The following ARHGEF12 variants were observed in gnomAD, a reference collection of about 807,000 sequenced individuals.
ARHGEF12 encodes Rho guanine nucleotide exchange factor 12, also known as KMT2A/ARHGEF12 fusion protein.
Under a neutral mutation model 211.2 loss-of-function variants are expected in ARHGEF12, and 66 were observed. That is an observed-to-expected ratio of 0.31 (90% confidence interval 0.26 to 0.38). ARHGEF12 has a LOEUF of 0.38. Among genes scored for constraint, ARHGEF12 ranks in the 10% least tolerant of loss-of-function variants. ARHGEF12 has a pLI of 1.00. For synonymous variants in ARHGEF12, 592 were observed against 638.4 expected (o/e 0.93, Z 1.09); for missense variants, 1,429 against 1,869.5 (o/e 0.76, Z 4.34).
intron 1 of ARHGEF12, among the ~76,000 whole-genome samples, chr11:120,385,954 G>A (rs556139316): frequency 6.6e-6 from 1 of 152,242 alleles, no homozygotes; most frequent in East Asian, 1.9e-4. Flanking sequence ...GATATAGGGG[G>A]TGGGGATTAA....
intron 1 of ARHGEF12, among the ~76,000 whole-genome samples, chr11:120,350,505 A>C (rs2135295830): frequency 6.8e-6 from 1 of 146,414 alleles, no homozygotes; most frequent in East Asian, 2.1e-4. Flanking sequence ...ACAGAGCAAG[A>C]CTCCGTCTCA....
chr11:120,451,953 G>A (rs1459528984), intron 22 of ARHGEF12, among the ~76,000 whole-genome samples: 2 of 152,156 alleles, frequency 1.3e-5, no homozygotes, highest in African/African-American at 2.4e-5. Flanking sequence ...CTTTGTCCCG[G>A]ATGTTAACAT....
intron 4 of ARHGEF12, chr11:120,410,680 G>A (rs934535941): frequency 3.3e-5 from 5 of 152,160 alleles, no homozygotes; most frequent in Non-Finnish European, 5.9e-5. Context: ...TATACACATA[G>A]TTCTTTACTT....
At chr11:120,366,613 T>G (rs1416626429) in intron 1 of ARHGEF12, among the ~76,000 whole-genome samples, 1 of 152,208 alleles carries the variant, frequency 6.6e-6, no homozygotes, top group East Asian at 1.9e-4. Flanking sequence ...ACAGGTAAAT[T>G]AACATGACCA....
At chr11:120,475,281 T>G in intron 32 of ARHGEF12, 59 bp from the exon 33 acceptor site, 1 of 1,486,894 alleles carries the variant, frequency 6.7e-7, no homozygotes, top group Admixed American at 1.8e-5. Context: ...CATTATAAAG[T>G]TAATCAAACG....
chr11:120,337,162 TC>T lies in ARHGEF12; in HGVS notation c.-79del, dbSNP rs2135205175. ...GTGTCCCTGACGGAGTTGGGCCTGA[TC>T]CCAGAGCACTGGGGGTGGGGAGGAG... On this transcript the variant is annotated 5_prime_UTR_variant, in exon 1 of 41. It removes the in-frame stop codon of an upstream open reading frame in the 5' UTR. Coordinates refer to ENST00000397843, the MANE Select transcript of ARHGEF12 (RefSeq NM_015313.3). 6.4e-7 allele frequency: 1 copy of T among 1,551,438 alleles called. No individual in the cohort carries two copies. The highest frequency in any genetic ancestry group is 2.2e-5 in the East Asian group (1 of 44,576).
intron 10 of ARHGEF12, among the ~76,000 whole-genome samples, chr11:120,430,249 A>G (rs1165358140): frequency 6.6e-6 from 1 of 152,158 alleles, no homozygotes; most frequent in Non-Finnish European, 1.5e-5. Context: ...GCATTTTCTT[A>G]TTTAATCTGC....
intron 18 of ARHGEF12, 89 bp from the exon 19 acceptor site, chr11:120,447,785 C>T: frequency 1.1e-6 from 1 of 909,512 alleles, no homozygotes. Flanking sequence ...CATTGCACTC[C>T]AGCCTGGGTG....
rs1946983115 is a variant in ARHGEF12 at position 120,474,860 on chromosome 11, C to T, written c.3109+225C>T. Among the ~76,000 whole-genome samples the T allele has an allele frequency of 2.0e-5, 3 of 152,294 alleles. No homozygotes were observed. In the South Asian group the frequency reaches 6.2e-4, roughly 32 times the overall value. On this transcript the variant is annotated intron_variant, in intron 32 of 40. Coordinates refer to ENST00000397843, the MANE Select transcript of ARHGEF12 (RefSeq NM_015313.3). ...GTGGAGAACTGATTTAGTCCTATTT[C>T]CATCATTCTTATAGTCTAGTGAGTC...
chr11:120,428,090 C>A lies in ARHGEF12; in HGVS notation c.428C>A (p.Thr143Asn). ...CAAGCTGGTTCCTATGTAGCTCTCA[C>A]TGTTCAGGGACGCCCACCTGGGTCG... The part of the protein sequence containing the change: ...LIKSGSYVAL[T>N]VQGRPPGSPQ... The change falls in exon 8 of 41, where the codon ACT becomes AAT. Residue 143 changes from threonine (T) to asparagine (N), a missense_variant. By Grantham distance (65) the Thr-to-Asn change is moderately conservative. Around this residue, in one of 7 missense-constraint regions of ARHGEF12, gnomAD observed 254 missense variants for 286.4 expected, o/e 0.89. Transcript: ENST00000397843. The A allele has an allele frequency of 6.2e-7, 1 of 1,600,540 alleles. No individual in the cohort carries two copies. The highest frequency in any genetic ancestry group is 1.7e-5 in the Admixed American group (1 of 58,420).
chr11:120,469,529 C>T (rs914819274), intron 30 of ARHGEF12, 141 bp downstream of exon 30: 5 of 716,506 alleles, frequency 7.0e-6, no homozygotes, highest in Non-Finnish European at 1.1e-5. Flanking sequence ...GCATAGTAGG[C>T]AGGTCAAGAT....
Position 120,398,645 on chromosome 11 carries a change from G to C in ARHGEF12, c.33-7473G>C, listed in dbSNP as rs1259746834. 2.0e-5 allele frequency among the ~76,000 whole-genome samples: 3 copies of C among 152,090 alleles called. No individual in the cohort carries two copies. In the East Asian group the frequency reaches 5.8e-4, roughly 29 times the overall value. On this transcript the variant is annotated intron_variant, in intron 1 of 40. Coordinates refer to ENST00000397843, the MANE Select transcript of ARHGEF12 (RefSeq NM_015313.3). ...GAGGAATTCGTAATGTTTGACACCA[G>C]AACCAGAGCACTTGTGAAAAGAAGT... is the stretch of plus-strand genomic sequence containing the variant.
chr11:120,465,639 TC>T (rs1022870902), intron 28 of ARHGEF12, among the ~76,000 whole-genome samples: 2 of 152,158 alleles, frequency 1.3e-5, no homozygotes, highest in African/African-American at 4.8e-5. Flanking sequence ...GCTAATTTTT[TC>T]TATTTTTAGT....
At chr11:120,357,220 C>G (rs1409185667) in intron 1 of ARHGEF12, among the ~76,000 whole-genome samples, 1 of 151,924 alleles carries the variant, frequency 6.6e-6, no homozygotes, top group African/African-American at 2.4e-5. Context: ...TTTTGAATTC[C>G]TGACCTCAAG....
chr11:120,477,875 GAAAAAAAGA>G (rs1219067408), intron 36 of ARHGEF12, among the ~76,000 whole-genome samples: 1 of 141,576 alleles, frequency 7.1e-6, no homozygotes, highest in African/African-American at 2.7e-5. Flanking sequence ...AAAAAAAAAA[GAAAAAAAGA>G]AAAAAAAGAA....
chr11:120,432,047 A>G (rs1351918906), intron 11 of ARHGEF12, 136 bp downstream of exon 11: 1 of 798,308 alleles, frequency 1.3e-6, no homozygotes, highest in African/African-American at 1.8e-5. Flanking sequence ...TACCAATTTG[A>G]TAAACAGAAA....
chr11:120,350,539 A>G (rs1000192003), intron 1 of ARHGEF12, among the ~76,000 whole-genome samples: 3 of 151,686 alleles, frequency 2.0e-5, no homozygotes, highest in African/African-American at 7.3e-5. Context: ...AGTGAGAAGT[A>G]TGTGTATTTG....
At position 120,488,585 on chromosome 11, in the gene ARHGEF12, GA is replaced by G. The variant is rs1591657405; in HGVS notation, c.*3516del. The stretch of plus-strand genomic sequence containing the variant: ...GAGGGTTTTGATAATAAATTGGTAG[GA>G]AAAAAAAGTACCTCCTAGAAGGAAG... On this transcript the variant is annotated 3_prime_UTR_variant, in exon 41 of 41. Coordinates refer to ENST00000397843, the MANE Select transcript of ARHGEF12 (RefSeq NM_015313.3). 11 of 218,652 alleles carry G rather than the reference GA, an allele frequency of 5.0e-5. No homozygotes were observed. The highest frequency in any genetic ancestry group is 9.2e-5 in the Non-Finnish European group (10 of 109,016). The allele number at this position is 218,652 out of a possible 1,614,324, so 13.5% of individuals were successfully genotyped here. A position where few individuals can be genotyped will look rare whatever the true frequency, so the allele number is the denominator to read the frequency against.
chr11:120,357,303 A>G (rs1943157046), intron 1 of ARHGEF12, among the ~76,000 whole-genome samples: 1 of 152,082 alleles, frequency 6.6e-6, no homozygotes, highest in Non-Finnish European at 1.5e-5. Context: ...CCCAGCCTGC[A>G]TGCACTCTTA....
Sources: gnomAD v4.1 joint callset for allele counts (sites outside exome capture counted in the v4.1 genomes callset) on GRCh38, gnomAD v4.1.1 for gene constraint, gnomAD v4.1.1 regional missense constraint, MANE v1.5 for transcripts, NCBI Gene and HGNC (gene_info 2026-07-23, HGNC 2026-07-21) for gene names.